The following CPQ variants were observed in gnomAD, a reference collection of about 807,000 sequenced individuals.
CPQ encodes the protein Ser-Met dipeptidase.
A neutral mutation model predicts 45.7 loss-of-function variants in CPQ; 37 were observed. That is an observed-to-expected ratio of 0.81 (90% confidence interval 0.62 to 1.07). CPQ has a LOEUF of 1.07. CPQ is among the 50% of genes least tolerant of loss of function. The pLI is 0.00. For synonymous variants in CPQ, 186 were observed against 205.8 expected (o/e 0.90, Z 0.82); for missense variants, 537 against 572.9 (o/e 0.94, Z 0.64).
chr8:96,697,990 A>G (rs1809407813), intron 1 of CPQ, among the ~76,000 whole-genome samples: 1 of 152,104 alleles, frequency 6.6e-6, no homozygotes, highest in Non-Finnish European at 1.5e-5. Flanking sequence ...CTTCACAGAA[A>G]TAGAAAAAAC....
intron 7 of CPQ, among the ~76,000 whole-genome samples, chr8:97,120,700 C>T (rs1362112248): frequency 6.6e-6 from 1 of 152,168 alleles, no homozygotes; most frequent in Non-Finnish European, 1.5e-5. Flanking sequence ...AGTTTAGGAG[C>T]TTAATGTTCC....
intron 5 of CPQ, among the ~76,000 whole-genome samples, chr8:96,966,645 G>A (rs1813569609): frequency 6.6e-6 from 1 of 152,196 alleles, no homozygotes; most frequent in African/African-American, 2.4e-5. Context: ...TCCAGACATT[G>A]CCAGATGTCC....
rs142852505 is a variant in CPQ at position 96,751,306 on chromosome 8, T to G, written c.-34-33558T>G. On this transcript the variant is annotated intron_variant, in intron 1 of 7. Coordinates refer to ENST00000220763, the MANE Select transcript of CPQ (RefSeq NM_016134.4). ...CAAACTTGCCAGCATCAGTTGTTTC[T>G]TGACTTTTCAATGAACCACCATTCT... Among the ~76,000 whole-genome samples, 721 of 152,284 alleles carry G rather than the reference T, an allele frequency of 4.7e-3. 11 individuals carry two copies. The highest frequency in any genetic ancestry group is 0.012 in the African/African-American group (508 of 41,556).
At chr8:96,959,903 A>C (rs923327327) in intron 4 of CPQ, among the ~76,000 whole-genome samples, 17 of 151,582 alleles carry the variant, frequency 1.1e-4, no homozygotes, top group African/African-American at 3.9e-4. Context: ...AAAAAAAAAA[A>C]AAAAAAACCA....
Position 96,993,778 on chromosome 8 carries a change from G to T in CPQ, c.961+27732G>T, listed in dbSNP as rs1336582903. On this transcript the variant is annotated intron_variant, in intron 5 of 7. Transcript: ENST00000220763. The stretch of plus-strand genomic sequence containing the variant: ...TGCTTCATCAAGTTAATACATTCAG[G>T]TATCATAATTATGTATTATTTCATA... Among the ~76,000 whole-genome samples the T allele has an allele frequency of 2.6e-5, 4 of 151,990 alleles. No homozygotes were observed. The East Asian group carries it at 7.7e-4, about 29-fold the overall frequency.
At chr8:96,982,602 C>T (rs1813922879) in intron 5 of CPQ, among the ~76,000 whole-genome samples, 1 of 152,210 alleles carries the variant, frequency 6.6e-6, no homozygotes, top group African/African-American at 2.4e-5. Context: ...CTTGACCTCC[C>T]AAAGTGCTGG....
At chr8:97,113,347 T>C (rs553014723) in intron 7 of CPQ, among the ~76,000 whole-genome samples, 3 of 152,236 alleles carry the variant, frequency 2.0e-5, no homozygotes, top group South Asian at 2.1e-4. Flanking sequence ...AAAGAATGGG[T>C]TGGTTTAAGA....
chr8:96,749,322 T>C (rs1312098207), intron 1 of CPQ, among the ~76,000 whole-genome samples: 1 of 152,200 alleles, frequency 6.6e-6, no homozygotes, highest in African/African-American at 2.4e-5. Flanking sequence ...AGTTTAACTC[T>C]GTCAAAGAGC....
At chr8:96,851,398 A>G (rs1050644553) in intron 3 of CPQ, among the ~76,000 whole-genome samples, 1 of 152,214 alleles carries the variant, frequency 6.6e-6, no homozygotes, top group African/African-American at 2.4e-5. Context: ...TTTATAAAGA[A>G]TAGATCTTTA....
chr8:96,676,775 C>T (rs902230192), intron 1 of CPQ, among the ~76,000 whole-genome samples: 6 of 151,918 alleles, frequency 3.9e-5, no homozygotes, highest in African/African-American at 1.4e-4. Context: ...GTACCCATCA[C>T]CCAAGTAGTG....
chr8:97,046,379 T>C (rs532593235), intron 6 of CPQ, among the ~76,000 whole-genome samples: 2 of 152,308 alleles, frequency 1.3e-5, no homozygotes, highest in African/African-American at 2.4e-5. Flanking sequence ...AGCAGTTTTG[T>C]CTAAACTGTT....
intron 4 of CPQ, among the ~76,000 whole-genome samples, chr8:96,935,888 G>A (rs1283288757): frequency 1.3e-5 from 2 of 152,152 alleles, no homozygotes; most frequent in East Asian, 1.9e-4. Flanking sequence ...GTAGACAATT[G>A]TAAGTTAATG....
intron 4 of CPQ, among the ~76,000 whole-genome samples, chr8:96,892,819 C>T (rs1248754628): frequency 6.6e-6 from 1 of 152,122 alleles, no homozygotes; most frequent in Non-Finnish European, 1.5e-5. Context: ...TTCCTCCAAT[C>T]AAGTCATATT....
At chr8:96,670,481 T>C (rs962943566) in intron 1 of CPQ, among the ~76,000 whole-genome samples, 1 of 152,044 alleles carries the variant, frequency 6.6e-6, no homozygotes, top group African/African-American at 2.4e-5. Flanking sequence ...CAAAGATCAA[T>C]CAAAGGAAAG....
intron 4 of CPQ, among the ~76,000 whole-genome samples, chr8:96,926,570 C>CTCCTCTTCTTCT: frequency 2.1e-5 from 1 of 46,686 alleles, no homozygotes; most frequent in South Asian, 6.2e-4. Flanking sequence ...CTTCCTCTTC[C>CTCCTCTTCTTCT]TCTTCCTCTT....
intron 6 of CPQ, among the ~76,000 whole-genome samples, chr8:97,064,525 T>C (rs1476343438): frequency 1.3e-5 from 2 of 152,174 alleles, no homozygotes; most frequent in African/African-American, 2.4e-5. Flanking sequence ...TGAAGACAAG[T>C]CCCTTAGAAG....
chr8:96,940,344 A>T (rs1813109557), intron 4 of CPQ, among the ~76,000 whole-genome samples: 1 of 152,196 alleles, frequency 6.6e-6, no homozygotes, highest in African/African-American at 2.4e-5. Context: ...CAAAAAGAGA[A>T]AACCATCAGT....
chr8:96,660,057 A>G (rs1451635106), intron 1 of CPQ, among the ~76,000 whole-genome samples: 1 of 152,294 alleles, frequency 6.6e-6, no homozygotes, highest in Middle Eastern at 3.4e-3. Flanking sequence ...ATTAAGGTAT[A>G]TTTCTAGGTG....
At chr8:96,663,088 A>C (rs1808864239) in intron 1 of CPQ, among the ~76,000 whole-genome samples, 1 of 152,220 alleles carries the variant, frequency 6.6e-6, no homozygotes, top group South Asian at 2.1e-4. Context: ...GACAGGCAAT[A>C]ACAGAGATTG....
Sources: gnomAD v4.1 joint callset for allele counts (sites outside exome capture counted in the v4.1 genomes callset) on GRCh38, gnomAD v4.1.1 for gene constraint, MANE v1.5 for transcripts, NCBI Gene and HGNC (gene_info 2026-07-23, HGNC 2026-07-21) for gene names.